Variants in PDLIM4 observed in about 807,000 individuals in gnomAD.
PDLIM4 encodes PDZ and LIM domain protein 4.
A neutral mutation model predicts 31.3 loss-of-function variants in PDLIM4; 19 were observed. That is an observed-to-expected ratio of 0.61 (90% CI 0.42 to 0.89). PDLIM4 has a LOEUF of 0.89. PDLIM4 is among the 40% of genes least tolerant of loss of function. The pLI is 0.00. For synonymous variants in PDLIM4, 176 were observed against 190.1 expected (o/e 0.93, Z 0.61); for missense variants, 442 against 461.1 (o/e 0.96, Z 0.38).
At position 132,272,461 on chromosome 5, in the gene PDLIM4, C is replaced by T; in HGVS notation, c.*232C>T. 1.8e-6 allele frequency: 1 copy of T among 568,232 alleles called. No individual in the cohort carries two copies. Among genetic ancestry groups the T allele is most frequent in the African/African-American group, 1.9e-5 (1 of 53,362 alleles). The allele number at this position is 568,232 out of a possible 1,614,324, so 35.2% of individuals were successfully genotyped here. A position where few individuals can be genotyped will look rare whatever the true frequency, so the allele number is the denominator to read the frequency against. On this transcript the variant is annotated 3_prime_UTR_variant, in exon 7 of 7. Coordinates refer to ENST00000253754, the MANE Select transcript of PDLIM4 (RefSeq NM_003687.4). Reference sequence around the variant, plus strand: ...GTGAGCAGGACGGGTACCATGCTGCCCTGAAGGGGGCCACAGCCTGGGTGG... The same window carrying T: ...GTGAGCAGGACGGGTACCATGCTGCTCTGAAGGGGGCCACAGCCTGGGTGG...
rs1756664893 is a variant in PDLIM4, at chr5:132,272,956, AG to A, written c.*729del. ...CTTAAATTTCCAGACAGAGACCAGA[AG>A]GAAGGTTTAGAAAGAAAAGAACACT... is the stretch of plus-strand genomic sequence containing the variant. On this transcript the variant is annotated 3_prime_UTR_variant, in exon 7 of 7. Coordinates refer to ENST00000253754, the MANE Select transcript of PDLIM4 (RefSeq NM_003687.4). The A allele has an allele frequency of 6.6e-6, 1 of 152,526 alleles. No homozygotes were observed. Among genetic ancestry groups the A allele is most frequent in the Non-Finnish European group, 1.5e-5 (1 of 68,344 alleles). The allele number at this position is 152,526 out of a possible 1,614,324, so 9.4% of individuals were successfully genotyped here.
At chr5:132,259,137 C>CTGTGTGTGTGTGTGTGTGTGTG (rs70974028) in intron 1 of PDLIM4, among the ~76,000 whole-genome samples, 5 of 146,106 alleles carry the variant, frequency 3.4e-5, no homozygotes, top group Non-Finnish European at 6.1e-5. Context: ...AGGATTCCTG[C>CTGTGTGTGTGTGTGTGTGTGTG]TGTGTGTGTG....
Position 132,257,931 on chromosome 5 carries a change from C to T in PDLIM4, c.93+104C>T, listed in dbSNP as rs555830348. 2.9e-5 allele frequency: 19 copies of T among 646,024 alleles called. No homozygotes were observed. In the South Asian group the frequency reaches 3.3e-4, roughly 11 times the overall value. 40.0% of individuals were successfully genotyped at this position (646,024 alleles called of 1,614,324 possible). A position where few individuals can be genotyped will look rare whatever the true frequency, so the allele number is the denominator to read the frequency against. ...CCCCTGTGTATCCGAGGCTTGAAGG[C>T]GGAGGGTTGGCCTGGGCGCCCCGCA... On this transcript the variant is annotated intron_variant, in intron 1 of 6. Coordinates refer to ENST00000253754, the MANE Select transcript of PDLIM4 (RefSeq NM_003687.4). The surrounding 1 kb of genome is among the most constrained non-coding windows in gnomAD (Gnocchi z 4.3).
chr5:132,271,045 C>G lies in PDLIM4; in HGVS notation c.458C>G (p.Ala153Gly). ...FPVPHNGSSE[A>G]TLPAQMSTLH... ...GTCCCTCACAATGGCAGCAGCGAGG[C>G]CACCCTGCCAGCCCAGATGAGCACC... The change falls in exon 4 of 7, where the codon GCC becomes GGC. Residue 153 changes from alanine (A) to glycine (G), a missense_variant. By Grantham distance (60) the Ala-to-Gly change is moderately conservative (BLOSUM62 0). Coordinates refer to ENST00000253754, the MANE Select transcript of PDLIM4 (RefSeq NM_003687.4). 1 of 1,614,122 alleles carries G rather than the reference C, an allele frequency of 6.2e-7. No homozygotes were observed. The highest frequency in any genetic ancestry group is 1.1e-5 in the South Asian group (1 of 91,084).
chr5:132,260,340 G>A (rs1049356453), intron 1 of PDLIM4, among the ~76,000 whole-genome samples: 3 of 152,110 alleles, frequency 2.0e-5, no homozygotes, highest in African/African-American at 7.2e-5. Flanking sequence ...TAGACGGATC[G>A]GCCTGAATTC....
chr5:132,271,627 C>A, intron 5 of PDLIM4, 161 bp downstream of exon 5: 2 of 940,008 alleles, frequency 2.1e-6, no homozygotes, highest in Middle Eastern at 2.1e-4. Flanking sequence ...CCTGGCTTCC[C>A]GATTCCCTCT....
Position 132,272,243 on chromosome 5 carries a change from T to G in PDLIM4, c.*14T>G, listed in dbSNP as rs11550674. The G allele has an allele frequency of 4.4e-6, 7 of 1,603,750 alleles. No homozygotes were observed. Among genetic ancestry groups the G allele is most frequent in the Non-Finnish European group, 5.1e-6 (6 of 1,170,844 alleles). On this transcript the variant is annotated 3_prime_UTR_variant, in exon 7 of 7. Transcript: ENST00000253754. ...GAACTCGTCTGAGCTGGGACCCTGC[T>G]CCCACGCCTGCTTCTTAAGGTCCCT...
In PDLIM4 at chr5:132,271,471, G is replaced by A; in HGVS notation, c.670+5G>A. 1.2e-6 allele frequency: 2 copies of A among 1,607,418 alleles called. No homozygotes were observed. Among genetic ancestry groups the A allele is most frequent in the Non-Finnish European group, 1.7e-6 (2 of 1,179,818 alleles). On this transcript the variant is annotated splice_donor_5th_base_variant and intron_variant, in intron 5 of 6. Coordinates refer to ENST00000253754, the MANE Select transcript of PDLIM4 (RefSeq NM_003687.4). The stretch of plus-strand genomic sequence containing the variant: ...TGCTAGAGGCCGGCGAGGGCGGTAA[G>A]ACGCCTGCCACCTGTCCCCATCTGC...
chr5:132,267,693 A>T (rs1756520670), intron 3 of PDLIM4, among the ~76,000 whole-genome samples: 1 of 152,204 alleles, frequency 6.6e-6, no homozygotes, highest in South Asian at 2.1e-4. Flanking sequence ...TTCAGAGAAA[A>T]GAAAGGTCCA....
intron 3 of PDLIM4, among the ~76,000 whole-genome samples, chr5:132,268,756 A>G (rs1580802191): frequency 6.6e-6 from 1 of 152,128 alleles, no homozygotes; most frequent in Non-Finnish European, 1.5e-5. Flanking sequence ...AGGAGATGGC[A>G]CCTGCTCATC....
At chr5:132,271,965 C>G in intron 6 of PDLIM4, 57 bp downstream of exon 6, 1 of 1,585,898 alleles carries the variant, frequency 6.3e-7, no homozygotes, top group Non-Finnish European at 8.7e-7. Flanking sequence ...GCCCTGGATG[C>G]GGGCGCAGTC....
At chr5:132,267,858 C>G (rs1022716257) in intron 3 of PDLIM4, among the ~76,000 whole-genome samples, 2 of 152,186 alleles carry the variant, frequency 1.3e-5, no homozygotes, top group East Asian at 3.9e-4. Flanking sequence ...GAAACTTGCT[C>G]TGATGGCCCC....
intron 6 of PDLIM4, 39 bp downstream of exon 6, chr5:132,271,947 C>T (rs1756632478): frequency 1.9e-6 from 3 of 1,590,776 alleles, no homozygotes; most frequent in African/African-American, 2.7e-5. Context: ...GGACCCTAGC[C>T]TTCCAGGGCC....
In PDLIM4 at chr5:132,273,037, C is replaced by T. The variant is rs567582907; in HGVS notation, c.*808C>T. 1.1e-4 allele frequency: 17 copies of T among 152,494 alleles called. No homozygotes were observed. In the East Asian group the frequency reaches 3.2e-3, roughly 29 times the overall value. The allele number at this position is 152,494 out of a possible 1,614,324, so 9.4% of individuals were successfully genotyped here. A position where few individuals can be genotyped will look rare whatever the true frequency, so the allele number is the denominator to read the frequency against. On this transcript the variant is annotated 3_prime_UTR_variant, in exon 7 of 7. Transcript: ENST00000253754. ...CTCCCTCCTGTCTCTAAGTCAATTC[C>T]ACCCCTCCTCGAAGTCCCGGCTTCC...
intron 1 of PDLIM4, 36 bp from the exon 2 acceptor site, chr5:132,262,573 T>C (rs1248424385): frequency 4.5e-6 from 7 of 1,565,780 alleles, no homozygotes; most frequent in Non-Finnish European, 6.1e-6. Flanking sequence ...GACCATATCA[T>C]GACTGTGCCC....
chr5:132,258,807 G>T (rs555793779), intron 1 of PDLIM4, among the ~76,000 whole-genome samples: 1 of 152,344 alleles, frequency 6.6e-6, no homozygotes, highest in African/African-American at 2.4e-5. Flanking sequence ...GCCATCCCTT[G>T]CTCCCACACA....
At position 132,272,446 on chromosome 5, in the gene PDLIM4, C is replaced by G. The variant is rs920178559; in HGVS notation, c.*217C>G. On this transcript the variant is annotated 3_prime_UTR_variant, in exon 7 of 7. Transcript: ENST00000253754. The stretch of plus-strand genomic sequence containing the variant: ...GCTCTGGGTGCAGTAGTGAGCAGGA[C>G]GGGTACCATGCTGCCCTGAAGGGGG... The G allele has an allele frequency of 8.5e-6, 5 of 584,996 alleles. No homozygotes were observed. Among genetic ancestry groups the G allele is most frequent in the Non-Finnish European group, 1.2e-5 (4 of 325,308 alleles). The allele number at this position is 584,996 out of a possible 1,614,324, so 36.2% of individuals were successfully genotyped here.
chr5:132,269,952 T>C (rs1756569311), intron 3 of PDLIM4, among the ~76,000 whole-genome samples: 1 of 151,706 alleles, frequency 6.6e-6, no homozygotes, highest in African/African-American at 2.4e-5. Context: ...TGTAGGGAGA[T>C]TGGTAGGTGC....
At chr5:132,269,421 A>C (rs1490183759) in intron 3 of PDLIM4, among the ~76,000 whole-genome samples, 1 of 150,736 alleles carries the variant, frequency 6.6e-6, no homozygotes, top group Non-Finnish European at 1.5e-5. Context: ...CCCGACAGAC[A>C]CACGTGTGAG....
Sources: allele counts gnomAD v4.1 joint callset (sites outside exome capture counted in the v4.1 genomes callset), GRCh38; gene constraint gnomAD v4.1.1; non-coding constraint Gnocchi (gnomAD v3.1); transcripts MANE v1.5; gene names NCBI Gene and HGNC (gene_info 2026-07-23, HGNC 2026-07-21).